The following HYAL4 variants were observed in gnomAD, a reference collection of about 807,000 sequenced individuals.
HYAL4 encodes hyaluronidase 4.
HYAL4 carries 37 observed loss-of-function variants against 35.2 expected under a neutral mutation model. The observed-to-expected ratio is 1.05, with a 90% CI of 0.81 to 1.38. The LOEUF (loss-of-function observed/expected upper bound fraction) is 1.38, where lower values mean the gene tolerates loss of function less well. Ranked by LOEUF, HYAL4 falls within the 40% of genes most tolerant of loss-of-function variation. HYAL4 has a pLI of 0.00. For synonymous variants in HYAL4, 198 were observed against 203.2 expected, an observed-to-expected ratio of 0.97 and a Z score of 0.22; for missense variants, 572 against 572.4, an observed-to-expected ratio of 1.00 and a Z score of 0.01.
At chr7:123,806,148 A>G in the HYAL4 span, among the ~76,000 whole-genome samples, 1 of 152,214 alleles carries the variant, frequency 6.6e-6, no homozygotes, top group Non-Finnish European at 1.5e-5. Context: ...AATCAAGACA[A>G]GATGAGGCTG....
the HYAL4 span, among the ~76,000 whole-genome samples, chr7:123,772,285 A>G: frequency 1.3e-5 from 2 of 152,122 alleles, no homozygotes; most frequent in Admixed American, 6.5e-5. Flanking sequence ...TTGGATTTGG[A>G]TAGAAGTCAC....
At chr7:123,854,131 G>C (rs140291102) in intron 2 of HYAL4, among the ~76,000 whole-genome samples, 17,156 of 151,830 alleles carry the variant, frequency 0.11, 1,098 homozygotes, top group Non-Finnish European at 0.14. Context: ...TTCTTTATTA[G>C]TCTGGCTAGC....
upstream of HYAL4, among the ~76,000 whole-genome samples, chr7:123,844,581 C>T (rs982365270): frequency 2.0e-5 from 3 of 152,178 alleles, no homozygotes; most frequent in Non-Finnish European, 4.4e-5. Context: ...CAGACAGAGA[C>T]GTTTAAGTCT....
intron 2 of HYAL4, among the ~76,000 whole-genome samples, chr7:123,863,843 T>G (rs1006478854): frequency 5.3e-5 from 8 of 152,162 alleles, no homozygotes; most frequent in Non-Finnish European, 1.0e-4. Flanking sequence ...TTTTTTCTTT[T>G]AATTTATCAC....
Position 123,874,776 on chromosome 7 carries a change from A to C in HYAL4, c.970A>C (p.Thr324Pro), listed in dbSNP as rs1453818784. Residue 324 changes from threonine (T) to proline (P), a missense_variant, in exon 4 of 5, where the codon ACC becomes CCC. Thr to Pro is a conservative substitution (Grantham distance 38). Transcript: ENST00000223026. Reference protein sequence around the residue: ...FFLSKQDLVSTIGESAALGAA... With the variant: ...FFLSKQDLVSPIGESAALGAA... ...TTCAATCTAGCAAGATCTAGTCAGC[A>C]CCATAGGAGAAAGTGCTGCCTTGGG... The C allele has an allele frequency of 1.9e-6, 3 of 1,602,320 alleles. No individual in the cohort carries two copies. The highest frequency in any genetic ancestry group is 2.6e-6 in the Non-Finnish European group (3 of 1,169,340).
the HYAL4 span, among the ~76,000 whole-genome samples, chr7:123,813,861 C>T: frequency 2.6e-5 from 4 of 152,082 alleles, no homozygotes; most frequent in Non-Finnish European, 5.9e-5. Flanking sequence ...TTTGGGTTAG[C>T]GTATTCAGAA....
chr7:123,817,475 A>T, the HYAL4 span, among the ~76,000 whole-genome samples: 1 of 149,660 alleles, frequency 6.7e-6, no homozygotes, highest in Non-Finnish European at 1.5e-5. Flanking sequence ...TCCTGCCTGT[A>T]CTATCTTGAC....
the HYAL4 span, among the ~76,000 whole-genome samples, chr7:123,779,700 A>AT: frequency 1.3e-5 from 2 of 152,162 alleles, no homozygotes; most frequent in African/African-American, 4.8e-5. Context: ...AAACTTTTTA[A>AT]TAGTATAAAT....
chr7:123,871,790 C>A (rs189915742), intron 3 of HYAL4, among the ~76,000 whole-genome samples: 310 of 152,110 alleles, frequency 2.0e-3, no homozygotes, highest in Admixed American at 3.7e-3. Flanking sequence ...CTACAGAAAC[C>A]TATGTGATAT....
the HYAL4 span, among the ~76,000 whole-genome samples, chr7:123,808,283 A>C: frequency 6.6e-6 from 1 of 152,092 alleles, no homozygotes; most frequent in Non-Finnish European, 1.5e-5. Context: ...GTGATTGATG[A>C]TTTCATAGTA....
chr7:123,868,449 G>T lies in HYAL4; in HGVS notation c.176G>T (p.Cys59Phe), dbSNP rs757097313. The stretch of plus-strand genomic sequence containing the variant: ...GCTTGGAATGCTCCAACAGATCAGT[G>T]TTTGATAAAATATAATTTAAGACTA... Reference protein sequence around the residue: ...IAAWNAPTDQCLIKYNLRLNL... With the variant: ...IAAWNAPTDQFLIKYNLRLNL... Residue 59 changes from cysteine to phenylalanine, a missense_variant, in exon 3 of 5, where the codon TGT becomes TTT. Cys to Phe is a radical substitution (Grantham distance 205). Transcript: ENST00000223026. 1 of 1,607,782 alleles carries T rather than the reference G, an allele frequency of 6.2e-7. No homozygotes were observed. Among genetic ancestry groups the T allele is most frequent in the Non-Finnish European group, 8.5e-7 (1 of 1,178,630 alleles).
At chr7:123,771,912 C>G in the HYAL4 span, among the ~76,000 whole-genome samples, 1 of 150,996 alleles carries the variant, frequency 6.6e-6, no homozygotes, top group Non-Finnish European at 1.5e-5. Context: ...TAAACTGTTG[C>G]GGGTCTGAGT....
At chr7:123,870,839 A>G (rs1456500577) in intron 3 of HYAL4, among the ~76,000 whole-genome samples, 1 of 152,084 alleles carries the variant, frequency 6.6e-6, no homozygotes, top group African/African-American at 2.4e-5. Context: ...AAATTTAAAT[A>G]CCAGTTTCTT....
At chr7:123,764,071 T>G in the HYAL4 span, among the ~76,000 whole-genome samples, 2 of 152,140 alleles carry the variant, frequency 1.3e-5, no homozygotes, top group Non-Finnish European at 2.9e-5. Flanking sequence ...AGCCTTGAAC[T>G]CCTTGGGCTC....
At chr7:123,844,742 A>T (rs1221552095), upstream of HYAL4, among the ~76,000 whole-genome samples, 2 of 152,030 alleles carry the variant, frequency 1.3e-5, no homozygotes, top group African/African-American at 2.4e-5. Context: ...GCAATGGCGG[A>T]CACCCCTCCC....
At chr7:123,843,215 A>C (rs1806103879), upstream of HYAL4, among the ~76,000 whole-genome samples, 1 of 151,954 alleles carries the variant, frequency 6.6e-6, no homozygotes, top group Non-Finnish European at 1.5e-5. Flanking sequence ...ATCTCCCAGC[A>C]TTTGCTTGTC....
the HYAL4 span, among the ~76,000 whole-genome samples, chr7:123,807,624 A>G: frequency 2.6e-5 from 4 of 151,666 alleles, no homozygotes; most frequent in Non-Finnish European, 5.9e-5. Flanking sequence ...TATTTTTAGT[A>G]GAGATAGGTT....
the HYAL4 span, among the ~76,000 whole-genome samples, chr7:123,778,390 A>C: frequency 5.3e-4 from 80 of 152,274 alleles, 1 homozygote; most frequent in African/African-American, 1.9e-3. Context: ...AATTTTGCCA[A>C]TTGACGGGGG....
the HYAL4 span, among the ~76,000 whole-genome samples, chr7:123,805,605 A>G: frequency 8.5e-5 from 13 of 152,326 alleles, no homozygotes; most frequent in Admixed American, 6.5e-4. Flanking sequence ...ATAAAAAAGA[A>G]ATAGAATGAT....
Sources: gnomAD v4.1 joint callset for allele counts (sites outside exome capture counted in the v4.1 genomes callset) on GRCh38, gnomAD v4.1.1 for gene constraint, MANE v1.5 for transcripts, NCBI Gene and HGNC (gene_info 2026-07-23, HGNC 2026-07-21) for gene names.